The following SCARB1 variants were observed in gnomAD, a reference collection of about 807,000 sequenced individuals.
SCARB1 encodes the protein scavenger receptor class B member 1, also known as CD36 and LIMPII analogous 1.
SCARB1 carries 30 observed loss-of-function variants against 57.2 expected under a neutral mutation model. The observed-to-expected ratio is 0.52, with a 90% CI of 0.39 to 0.71. The LOEUF is 0.71. SCARB1 is among the 30% of genes least tolerant of loss of function. The pLI is 0.00. For missense variants in SCARB1, 543 were observed against 671.2 expected (o/e 0.81, Z 2.11); for synonymous variants, 249 against 268.3 (o/e 0.93, Z 0.70).
chr12:124,833,397 C>T (rs536208046), intron 1 of SCARB1, among the ~76,000 whole-genome samples: 1 of 152,112 alleles, frequency 6.6e-6, no homozygotes, highest in East Asian at 1.9e-4. Flanking sequence ...ACTATGTTGC[C>T]CAAGCTGGTC....
intron 1 of SCARB1, among the ~76,000 whole-genome samples, chr12:124,831,039 G>A (rs1055484204): frequency 6.6e-5 from 10 of 151,274 alleles, no homozygotes; most frequent in African/African-American, 9.7e-5. Context: ...GCAGTGGCGC[G>A]ATCTCGGCTC....
intron 8 of SCARB1, 128 bp downstream of exon 8, chr12:124,799,996 G>T: frequency 1.3e-6 from 1 of 762,960 alleles, no homozygotes; most frequent in Non-Finnish European, 2.4e-6. Flanking sequence ...TTGGTGGCTC[G>T]AGATTCTAGA....
In SCARB1 at chr12:124,800,876, G is replaced by A. The variant is rs1048937690; in HGVS notation, c.1010-634C>T. Among the ~76,000 whole-genome samples, 1 of 152,190 alleles carries A rather than the reference G, an allele frequency of 6.6e-6. No individual in the cohort carries two copies. The highest frequency in any genetic ancestry group is 1.5e-5 in the Non-Finnish European group (1 of 68,034). On this transcript the variant is annotated intron_variant, in intron 7 of 12. Coordinates refer to ENST00000261693, the MANE Select transcript of SCARB1 (RefSeq NM_005505.5). The surrounding 1 kb of genome is among the most constrained non-coding windows in gnomAD (Gnocchi z 4.8). ...CGGGACAATGGACAACAGGCCTGAAGGACAAGTTAACAAGGAACAGCGAGC... is the reference window on the plus strand; with the variant it reads ...CGGGACAATGGACAACAGGCCTGAAAGACAAGTTAACAAGGAACAGCGAGC...
chr12:124,786,193 C>T (rs756206185), intron 11 of SCARB1, 164 bp downstream of exon 11: 163 of 1,592,530 alleles, frequency 1.0e-4, no homozygotes, highest in Middle Eastern at 1.7e-4. Flanking sequence ...AAGCGTGCTG[C>T]GCAGCCCCCA....
intron 1 of SCARB1, among the ~76,000 whole-genome samples, chr12:124,836,206 G>T (rs928657790): frequency 1.3e-5 from 2 of 152,222 alleles, no homozygotes; most frequent in South Asian, 4.1e-4. Context: ...AGTAGGAAGA[G>T]CTCAGGGACA....
Position 124,807,849 on chromosome 12 carries a change from CAG to C in SCARB1, c.919_920del (p.Leu307ValfsTer44). On this transcript the variant is annotated frameshift_variant, in exon 7 of 13. Transcript: ENST00000261693. LOFTEE classifies it high-confidence loss of function. The surrounding 1 kb of genome is among the most constrained non-coding windows in gnomAD (Gnocchi z 5.3). ...PTYRFVAPKTLFANGSIYPPN... is the reference protein window; with the variant it reads ...PTYRFVAPKTXFANGSIYPPN... ...GTGGGTAGATGGACCCGTTGGCAAA[CAG>C]GGTTTTGGGAGCCACGAAGCGATAG... 6.2e-7 allele frequency: 1 copy of C among 1,614,144 alleles called. No homozygotes were observed. The highest frequency in any genetic ancestry group is 8.5e-7 in the Non-Finnish European group (1 of 1,180,010).
chr12:124,821,132 G>A lies in SCARB1; in HGVS notation c.127-3425C>T, dbSNP rs533909549. On this transcript the variant is annotated intron_variant, in intron 1 of 12. Transcript: ENST00000261693. The stretch of plus-strand genomic sequence containing the variant: ...AGGTGCCTATAGTCCCAGCCGCTTG[G>A]GAGGCTGAGGTGGGAGGATGACTTG... Among the ~76,000 whole-genome samples, 3 of 152,094 alleles carry A rather than the reference G, an allele frequency of 2.0e-5. No individual in the cohort carries two copies. The South Asian group carries it at 6.2e-4, about 32-fold the overall frequency.
At chr12:124,788,462 C>T (rs942316993) in intron 9 of SCARB1, among the ~76,000 whole-genome samples, 1 of 152,214 alleles carries the variant, frequency 6.6e-6, no homozygotes, top group African/African-American at 2.4e-5. Flanking sequence ...TAAAAAGAAG[C>T]TTTCACAGCT....
At chr12:124,839,551 C>A (rs1206057389) in intron 1 of SCARB1, 2 of 931,654 alleles carry the variant, frequency 2.1e-6, no homozygotes, top group Non-Finnish European at 2.6e-6. Flanking sequence ...ACTTCCATTT[C>A]TTTGATACCC....
chr12:124,860,708 C>T (rs757029019), intron 1 of SCARB1, among the ~76,000 whole-genome samples: 1 of 152,230 alleles, frequency 6.6e-6, no homozygotes, highest in South Asian at 2.1e-4. Flanking sequence ...ATGAACCACA[C>T]GAAGAGGGAT....
intron 7 of SCARB1, among the ~76,000 whole-genome samples, chr12:124,806,152 G>C (rs1478442713): frequency 2.0e-5 from 3 of 152,174 alleles, no homozygotes; most frequent in Non-Finnish European, 2.9e-5. Flanking sequence ...ATGGGCTACT[G>C]AAAGGGCTGG....
chr12:124,809,898 G>A (rs1010584217), intron 6 of SCARB1, among the ~76,000 whole-genome samples: 3 of 152,130 alleles, frequency 2.0e-5, no homozygotes, highest in African/African-American at 7.2e-5. Context: ...CCATTTTATG[G>A]CCCCCTGTGA....
chr12:124,840,633 G>T (rs1465022704), intron 1 of SCARB1, among the ~76,000 whole-genome samples: 4 of 151,990 alleles, frequency 2.6e-5, no homozygotes, highest in African/African-American at 9.7e-5. Flanking sequence ...CTCGGAAAAT[G>T]GCTCCACCAT....
At chr12:124,823,011 T>C (rs1429926687) in intron 1 of SCARB1, among the ~76,000 whole-genome samples, 1 of 152,244 alleles carries the variant, frequency 6.6e-6, no homozygotes, top group African/African-American at 2.4e-5. Flanking sequence ...TAAAATATAA[T>C]GCAATCATGT....
chr12:124,822,629 A>G lies in SCARB1; in HGVS notation c.127-4922T>C, dbSNP rs1458497076. Among the ~76,000 whole-genome samples the G allele has an allele frequency of 2.6e-5, 4 of 152,204 alleles. No individual in the cohort carries two copies. Among genetic ancestry groups the G allele is most frequent in the Admixed American group, 2.0e-4 (3 of 15,288 alleles). On this transcript the variant is annotated intron_variant, in intron 1 of 12. Coordinates refer to ENST00000261693, the MANE Select transcript of SCARB1 (RefSeq NM_005505.5). The surrounding 1 kb of genome is among the most constrained non-coding windows in gnomAD (Gnocchi z 5.0). ...GCCAGGCATGGTGGCTCACGCCTGT[A>G]ATCCAAGGACTTTGGGAGGCCAAGC...
Position 124,843,291 on chromosome 12 carries a change from G to GT in SCARB1, c.126+20303_126+20304insA, listed in dbSNP as rs375062892. Among the ~76,000 whole-genome samples the GT allele has an allele frequency of 1.6e-4, 3 of 19,022 alleles. No homozygotes were observed. The East Asian group carries it at 4.4e-3, about 28-fold the overall frequency. 12.5% of individuals were successfully genotyped at this position (19,022 alleles called of 152,430 possible). On this transcript the variant is annotated intron_variant, in intron 1 of 12. Coordinates refer to ENST00000261693, the MANE Select transcript of SCARB1 (RefSeq NM_005505.5). ...TTTGTTTCTTACTTTCTGTGGAGAT[G>GT]GGGGGGGGGGTCTTACTATGTTACC...
chr12:124,785,364 A>T (rs925302567), intron 11 of SCARB1: 3 of 151,788 alleles, frequency 2.0e-5, no homozygotes, highest in Admixed American at 6.6e-5. Context: ...CCCTGCCCTC[A>T]CTCCCCTCCA....
At chr12:124,779,176 T>C (rs1390195858) in intron 12 of SCARB1, among the ~76,000 whole-genome samples, 3 of 152,166 alleles carry the variant, frequency 2.0e-5, no homozygotes, top group South Asian at 2.1e-4. Flanking sequence ...CTCGAACTCC[T>C]GGGCTCAGGC....
At chr12:124,821,371 G>C in intron 1 of SCARB1, 1 of 985,272 alleles carries the variant, frequency 1.0e-6, no homozygotes, top group Non-Finnish European at 1.2e-6. Flanking sequence ...TTCTCCTTTG[G>C]AATCTCACCA....
Sources: allele counts gnomAD v4.1 joint callset (sites outside exome capture counted in the v4.1 genomes callset), GRCh38; gene constraint gnomAD v4.1.1; non-coding constraint Gnocchi (gnomAD v3.1); transcripts MANE v1.5; gene names NCBI Gene and HGNC (gene_info 2026-07-23, HGNC 2026-07-21).